Variants in LRRC27 observed in about 807,000 individuals in gnomAD.
LRRC27 encodes the protein leucine-rich repeat-containing protein 27.
LRRC27 carries 57 observed loss-of-function variants against 55.0 expected under a neutral mutation model. That is an observed-to-expected ratio of 1.04 (90% CI 0.84 to 1.29). The LOEUF (loss-of-function observed/expected upper bound fraction) is 1.29, where lower values mean the gene tolerates loss of function less well. Ranked by LOEUF, LRRC27 falls within the 50% of genes most tolerant of loss-of-function variation. The pLI is 0.00. For synonymous variants in LRRC27, 278 were observed against 251.9 expected (o/e 1.10, Z -0.98); for missense variants, 721 against 651.5 (o/e 1.11, Z -1.16).
At chr10:132,330,945 G>GT (rs760199643), upstream of LRRC27, among the ~76,000 whole-genome samples, 28 of 151,074 alleles carry the variant, frequency 1.9e-4, no homozygotes, top group Non-Finnish European at 3.7e-4. Flanking sequence ...GCTCATGCCT[G>GT]TAATCCCAGC....
chr10:132,356,315 G>A lies in LRRC27; in HGVS notation c.1170+429G>A, dbSNP rs1205868402. 2.6e-5 allele frequency among the ~76,000 whole-genome samples: 4 copies of A among 152,230 alleles called. No individual in the cohort carries two copies. The East Asian group carries it at 7.7e-4, about 29-fold the overall frequency. On this transcript the variant is annotated intron_variant, in intron 8 of 10. Transcript: ENST00000368614. The stretch of plus-strand genomic sequence containing the variant: ...AGGTCTTTCTGGGCTCCTCACCCTT[G>A]GTCTCTGGACCTCGAGGCAGGCAGT...
intron 9 of LRRC27, among the ~76,000 whole-genome samples, chr10:132,364,313 A>G (rs2068802721): frequency 1.3e-5 from 1 of 76,784 alleles, no homozygotes; most frequent in Non-Finnish European, 3.0e-5. Flanking sequence ...CCGCACCAAC[A>G]CCCACACCAC....
intron 10 of LRRC27, chr10:132,367,081 C>A: frequency 1.1e-6 from 1 of 881,132 alleles, no homozygotes; most frequent in Non-Finnish European, 1.4e-6. Context: ...GTGTCTTAAC[C>A]CATCACTTCA....
Position 132,375,446 on chromosome 10 carries a change from A to G in LRRC27, c.*204A>G. The G allele has an allele frequency of 1.9e-6, 1 of 519,450 alleles. No individual in the cohort carries two copies. Among genetic ancestry groups the G allele is most frequent in the Non-Finnish European group, 3.4e-6 (1 of 295,762 alleles). 32.2% of individuals were successfully genotyped at this position (519,450 alleles called of 1,614,324 possible). The stretch of plus-strand genomic sequence containing the variant: ...GAAGATTTCAGCCGTATTAAAAGAA[A>G]GGACACTGTGAGCACGTGGTCTCGC... On this transcript the variant is annotated 3_prime_UTR_variant, in exon 11 of 11. Transcript: ENST00000368614.
Position 132,365,430 on chromosome 10 carries a change from G to A in LRRC27, c.1296G>A (p.Leu432=). 1 of 1,613,604 alleles carries A rather than the reference G, an allele frequency of 6.2e-7. No homozygotes were observed. The highest frequency in any genetic ancestry group is 1.1e-5 in the South Asian group (1 of 91,084). ...TTTGCCCTTTGTTTCTCAGTGCCCT[G>A]CAGGAGAGAAATTTAGAAGAGAAGA... ...SPQASKEMSA[L]QERNLEEKIK... The change falls in exon 10 of 11, where the codon CTG becomes CTA. Residue 432 remains leucine, a synonymous_variant. Coordinates refer to ENST00000368614, the MANE Select transcript of LRRC27 (RefSeq NM_030626.3).
At chr10:132,357,685 T>C (rs1354451477) in intron 8 of LRRC27, among the ~76,000 whole-genome samples, 3 of 152,352 alleles carry the variant, frequency 2.0e-5, no homozygotes, top group Non-Finnish European at 4.4e-5. Flanking sequence ...GCCACAGTTG[T>C]GCTTCTGAGT....
At chr10:132,349,171 C>G in intron 6 of LRRC27, 1 of 766,198 alleles carries the variant, frequency 1.3e-6, no homozygotes, top group Non-Finnish European at 2.2e-6. Flanking sequence ...CTAGATCATG[C>G]ATTCTCAAGG....
At chr10:132,353,059 A>AC (rs2068138423) in intron 7 of LRRC27, 1 of 1,541,322 alleles carries the variant, frequency 6.5e-7, no homozygotes, top group South Asian at 1.2e-5. Context: ...ACCTGGCTTC[A>AC]CCCCTCCCTG....
Position 132,359,441 on chromosome 10 carries a change from C to T in LRRC27, c.1171-2016C>T, listed in dbSNP as rs150163476. Among the ~76,000 whole-genome samples the T allele has an allele frequency of 3.2e-3, 482 of 152,330 alleles. 2 individuals are homozygous for T. The highest frequency in any genetic ancestry group is 0.011 in the African/African-American group (455 of 41,572). ...TGGCCCGGGGAGGGCAAGCTCCCAG[C>T]TCCCTGCAGCTGGGCAGGAGGACAC... is the stretch of plus-strand genomic sequence containing the variant. On this transcript the variant is annotated intron_variant, in intron 8 of 10. Coordinates refer to ENST00000368614, the MANE Select transcript of LRRC27 (RefSeq NM_030626.3).
chr10:132,361,426 T>C, intron 8 of LRRC27, 31 bp from the exon 9 acceptor site: 1 of 1,525,428 alleles, frequency 6.6e-7, no homozygotes, highest in Non-Finnish European at 9.1e-7. Context: ...TCTACTGGGA[T>C]TCCAGAAATC....
chr10:132,370,104 A>G (rs1268329615), intron 10 of LRRC27, among the ~76,000 whole-genome samples: 1 of 152,154 alleles, frequency 6.6e-6, no homozygotes, highest in African/African-American at 2.4e-5. Context: ...TTTCAGTCCA[A>G]CCTGGGTAGG....
Position 132,349,244 on chromosome 10 carries a change from G to A in LRRC27, c.926+888G>A, listed in dbSNP as rs147988313. On this transcript the variant is annotated intron_variant, in intron 6 of 10. Coordinates refer to ENST00000368614, the MANE Select transcript of LRRC27 (RefSeq NM_030626.3). ...CTGGGGGTGAAGATTCTTGGAGGCCGCAGTGGTCTGTGGTCCCTCAGGCTC... is the reference window on the plus strand; with the variant it reads ...CTGGGGGTGAAGATTCTTGGAGGCCACAGTGGTCTGTGGTCCCTCAGGCTC... Among the ~76,000 whole-genome samples the A allele has an allele frequency of 1.2e-4, 19 of 152,290 alleles. No individual in the cohort carries two copies. The East Asian group carries it at 1.9e-3, about 15-fold the overall frequency.
At position 132,381,252 on chromosome 10, in the gene LRRC27, T is replaced by G. The variant is rs113753369; in HGVS notation, c.*6010T>G. Among the ~76,000 whole-genome samples the G allele has an allele frequency of 0.15, 22,220 of 152,276 alleles. 2,162 individuals are homozygous for G. The highest frequency in any genetic ancestry group is 0.23 in the Middle Eastern group (67 of 294). On this transcript the variant is annotated 3_prime_UTR_variant, in exon 11 of 11. Transcript: ENST00000368614. ...TCATCTCTCTCCCATGCTGGATGCT[T>G]CCTGCCCTTGAACATCAGACTCCAA...
At chr10:132,341,541 TATTTTGGGCTGCATTTTATAAGG>T (rs2067415530) in intron 3 of LRRC27, among the ~76,000 whole-genome samples, 1 of 152,220 alleles carries the variant, frequency 6.6e-6, no homozygotes, top group Non-Finnish European at 1.5e-5. Context: ...ATCCATGATA[TATTTTGGGCTGCATTTTATAAGG>T]ATGTTACTAG....
At chr10:132,331,423 T>C (rs778533378), upstream of LRRC27, 24 of 1,604,062 alleles carry the variant, frequency 1.5e-5, no homozygotes, top group Admixed American at 3.9e-4. Flanking sequence ...AAACCCTTCC[T>C]CAGGACACTC....
chr10:132,356,371 A>G (rs565024445), intron 8 of LRRC27, among the ~76,000 whole-genome samples: 1 of 152,220 alleles, frequency 6.6e-6, no homozygotes, highest in East Asian at 1.9e-4. Flanking sequence ...CCAGCTCTTA[A>G]GCTATGGGAC....
Position 132,344,684 on chromosome 10 carries a change from A to G in LRRC27, c.553+34A>G, listed in dbSNP as rs2273278. On this transcript the variant is annotated intron_variant, in intron 5 of 10. Transcript: ENST00000368614. ...GAGGTGATTTATGACAAATCACATT[A>G]ACGTTGAAGTTACAGCTTTTTAAAA... is the stretch of plus-strand genomic sequence containing the variant. 8.1e-6 allele frequency: 13 copies of G among 1,604,100 alleles called. No homozygotes were observed. The East Asian group carries it at 2.7e-4, about 33-fold the overall frequency.
At position 132,374,539 on chromosome 10, in the gene LRRC27, C is replaced by T. The variant is rs72863828; in HGVS notation, c.1417-527C>T. Reference sequence around the variant, plus strand: ...AACAGAAAGCCTGCCCCTGGTTTCACGCTCAGCAAGTTCCTTCTCCTGTAG... The same window carrying T: ...AACAGAAAGCCTGCCCCTGGTTTCATGCTCAGCAAGTTCCTTCTCCTGTAG... On this transcript the variant is annotated intron_variant, in intron 10 of 10. Transcript: ENST00000368614. The surrounding 1 kb of genome is among the most constrained non-coding windows in gnomAD (Gnocchi z 4.4). Among the ~76,000 whole-genome samples the T allele has an allele frequency of 0.15, 22,490 of 152,250 alleles. 2,198 individuals carry two copies. The highest frequency in any genetic ancestry group is 0.23 in the Middle Eastern group (67 of 294).
intron 7 of LRRC27, 34 bp from the exon 8 acceptor site, chr10:132,355,756 T>G (rs571618467): frequency 2.7e-6 from 4 of 1,479,148 alleles, no homozygotes; most frequent in Admixed American, 3.9e-5. Context: ...CGAAGCTGCC[T>G]GTAACTTATG....
Sources: allele counts gnomAD v4.1 joint callset (sites outside exome capture counted in the v4.1 genomes callset), GRCh38; gene constraint gnomAD v4.1.1; non-coding constraint Gnocchi (gnomAD v3.1); transcripts MANE v1.5; gene names NCBI Gene and HGNC (gene_info 2026-07-23, HGNC 2026-07-21).